CPSF4L: variants seen among roughly 807,000 people sequenced by gnomAD.
CPSF4L encodes the protein putative cleavage and polyadenylation specificity factor subunit 4-like protein.
CPSF4L carries 18 observed loss-of-function variants against 24.0 expected under a neutral mutation model. The ratio of observed to expected loss-of-function variants is 0.75; its 90% CI spans 0.52 to 1.11. The LOEUF (loss-of-function observed/expected upper bound fraction) is 1.11. Ranked by LOEUF, CPSF4L falls within the 50% of genes least tolerant of loss-of-function variation. CPSF4L has a pLI of 0.00. For synonymous variants in CPSF4L, 72 were observed against 77.2 expected (o/e 0.93, Z 0.35); for missense variants, 211 against 221.8 (o/e 0.95, Z 0.31).
In CPSF4L at chr17:73,257,813, G is replaced by T. The variant is rs1346634824; in HGVS notation, c.175C>A (p.His59Asn). 6.4e-7 allele frequency: 1 copy of T among 1,551,572 alleles called. No individual in the cohort carries two copies. ...CEKGKLCPFR[H>N]DRGEKMVVCK... ...ACCACCATCTTCTCCCCTCGGTCAT[G>T]TCGGAAGGGGCAGAGTTTCCCTGGA... Residue 59 changes from histidine (H) to asparagine (N), a missense_variant, in exon 3 of 6, where the codon CAT becomes AAT. By Grantham distance (68) the His-to-Asn change is moderately conservative (BLOSUM62 1). Transcript: ENST00000344935.
At chr17:73,248,251 A>G (rs2061979050), downstream of CPSF4L, 4 of 495,170 alleles carry the variant, frequency 8.1e-6, no homozygotes, top group Non-Finnish European at 1.4e-5. Context: ...GACTCCTCAG[A>G]ACGAATAGTA....
chr17:73,247,219 A>G (rs1199200157), downstream of CPSF4L: 5 of 1,606,872 alleles, frequency 3.1e-6, no homozygotes, highest in South Asian at 4.4e-5. Flanking sequence ...AGCTGAAAAT[A>G]TTTACTATCT....
At chr17:73,249,274 A>C (rs1303098134) in intron 5 of CPSF4L, among the ~76,000 whole-genome samples, 1 of 152,218 alleles carries the variant, frequency 6.6e-6, no homozygotes, top group East Asian at 1.9e-4. Flanking sequence ...GATCCAGCCA[A>C]CATCTGGGGC....
intron 4 of CPSF4L, among the ~76,000 whole-genome samples, chr17:73,253,386 AG>A (rs2062012775): frequency 6.6e-6 from 1 of 152,210 alleles, no homozygotes; most frequent in Non-Finnish European, 1.5e-5. Flanking sequence ...TCTTCTCAGC[AG>A]CCCTCACCCC....
rs918480567 is a variant in CPSF4L at position 73,261,700 on chromosome 17, C to G, written c.103+16G>C. 1.3e-6 allele frequency: 2 copies of G among 1,491,006 alleles called. No individual in the cohort carries two copies. The highest frequency in any genetic ancestry group is 1.8e-6 in the Non-Finnish European group (2 of 1,091,984). 92.4% of individuals were successfully genotyped at this position (1,491,006 alleles called of 1,614,324 possible). A position where few individuals can be genotyped will look rare whatever the true frequency, so the allele number is the denominator to read the frequency against. On this transcript the variant is annotated intron_variant, in intron 1 of 5. Transcript: ENST00000344935. Reference sequence around the variant, plus strand: ...AGAGAAGGTAGGGGAGGGAAAGTGGCCCCACCCTCACTCACTGTCCATGCC... The same window carrying G: ...AGAGAAGGTAGGGGAGGGAAAGTGGGCCCACCCTCACTCACTGTCCATGCC...
At chr17:73,248,781 A>G in intron 5 of CPSF4L, 1 of 451,064 alleles carries the variant, frequency 2.2e-6, no homozygotes, top group South Asian at 3.9e-5. Context: ...AATCCTGAAT[A>G]ATATCTGAAA....
upstream of CPSF4L, among the ~76,000 whole-genome samples, chr17:73,262,544 C>T (rs2062051371): frequency 6.6e-6 from 1 of 152,252 alleles, no homozygotes; most frequent in African/African-American, 2.4e-5. Flanking sequence ...CACAGGGCCA[C>T]CCAGTGCCAC....
chr17:73,261,696 G>A lies in CPSF4L; in HGVS notation c.103+20C>T. ...AAACAGAGAAGGTAGGGGAGGGAAAGTGGCCCCACCCTCACTCACTGTCCA... is the reference window on the plus strand; with the variant it reads ...AAACAGAGAAGGTAGGGGAGGGAAAATGGCCCCACCCTCACTCACTGTCCA... On this transcript the variant is annotated intron_variant, in intron 1 of 5. Transcript: ENST00000344935. 1 of 1,476,588 alleles carries A rather than the reference G, an allele frequency of 6.8e-7. No individual in the cohort carries two copies. Among genetic ancestry groups the A allele is most frequent in the Non-Finnish European group, 9.3e-7 (1 of 1,078,704 alleles). 91.5% of individuals were successfully genotyped at this position (1,476,588 alleles called of 1,614,324 possible). A position where few individuals can be genotyped will look rare whatever the true frequency, so the allele number is the denominator to read the frequency against.
chr17:73,261,683 T>G lies in CPSF4L; in HGVS notation c.103+33A>C. 55 of 1,351,528 alleles carry G rather than the reference T, an allele frequency of 4.1e-5. No individual in the cohort carries two copies. The South Asian group carries it at 5.2e-4, about 13-fold the overall frequency. 83.7% of individuals were successfully genotyped at this position (1,351,528 alleles called of 1,614,324 possible). ...CTCAAAGAAAAAAAAACAGAGAAGG[T>G]AGGGGAGGGAAAGTGGCCCCACCCT... On this transcript the variant is annotated intron_variant, in intron 1 of 5. Transcript: ENST00000344935.
At chr17:73,252,482 A>G in intron 5 of CPSF4L, 148 bp downstream of exon 5, 1 of 653,486 alleles carries the variant, frequency 1.5e-6, no homozygotes, top group East Asian at 2.7e-5. Context: ...TGCCAGGGTC[A>G]GGCAGTGGTG....
chr17:73,249,261 G>A (rs1012537355), intron 5 of CPSF4L, among the ~76,000 whole-genome samples: 1 of 152,144 alleles, frequency 6.6e-6, no homozygotes, highest in Non-Finnish European at 1.5e-5. Flanking sequence ...CAATCCACAG[G>A]CAGATCCAGC....
chr17:73,248,479 G>T lies in CPSF4L; in HGVS notation c.*15C>A. The T allele has an allele frequency of 6.4e-7, 1 of 1,551,472 alleles. No homozygotes were observed. Among genetic ancestry groups the T allele is most frequent in the Non-Finnish European group, 8.7e-7 (1 of 1,146,798 alleles). On this transcript the variant is annotated 3_prime_UTR_variant, in exon 6 of 6. Transcript: ENST00000344935. ...TCTGTGGCATTGGAGTGCCCCGCTA[G>T]GTAAGAAGCAACGCTTAGATCTTGC...
At position 73,252,561 on chromosome 17, in the gene CPSF4L, A is replaced by G; in HGVS notation, c.497+69T>C. 2.1e-6 allele frequency: 2 copies of G among 949,264 alleles called. 1 individual carries two copies. Among genetic ancestry groups the G allele is most frequent in the Middle Eastern group, 4.2e-4 (2 of 4,772 alleles). The allele number at this position is 949,264 out of a possible 1,614,324, so 58.8% of individuals were successfully genotyped here. On this transcript the variant is annotated intron_variant, in intron 5 of 5. Coordinates refer to ENST00000344935, the MANE Select transcript of CPSF4L (RefSeq NM_001129885.1). The stretch of plus-strand genomic sequence containing the variant: ...CCACTAAGGACCAGCGAAGGTATGG[A>G]AAGATCTAGAACTAGAAGGCCAGGC...
chr17:73,245,558 G>A, downstream of CPSF4L: 9 of 985,346 alleles, frequency 9.1e-6, no homozygotes, highest in South Asian at 3.8e-4. Context: ...TTACCATTCA[G>A]CTATATGAGA....
intron 5 of CPSF4L, chr17:73,250,301 G>C (rs1568330608): frequency 6.4e-7 from 1 of 1,550,490 alleles, no homozygotes; most frequent in Non-Finnish European, 8.7e-7. Context: ...CCTGGTCTTT[G>C]ACACAAAAAC....
chr17:73,248,727 C>T, intron 5 of CPSF4L, 191 bp from the exon 6 acceptor site: 2 of 634,276 alleles, frequency 3.2e-6, no homozygotes, highest in Admixed American at 4.9e-5. Flanking sequence ...CTGTAACTCA[C>T]ACGTGGTCTG....
chr17:73,246,801 A>G (rs2061956780), downstream of CPSF4L, among the ~76,000 whole-genome samples: 1 of 152,170 alleles, frequency 6.6e-6, no homozygotes, highest in Non-Finnish European at 1.5e-5. Flanking sequence ...TTCTACATTC[A>G]GTTATTTTAG....
chr17:73,243,548 CTTTTT>C (rs111267869), downstream of CPSF4L, among the ~76,000 whole-genome samples: 1 of 135,070 alleles, frequency 7.4e-6, no homozygotes. Flanking sequence ...TTCATGTTGT[CTTTTT>C]TTTTTTTTTT....
chr17:73,257,643 C>T (rs1308817946), intron 3 of CPSF4L, 38 bp downstream of exon 3: 3 of 1,546,428 alleles, frequency 1.9e-6, no homozygotes, highest in East Asian at 4.9e-5. Flanking sequence ...ACACTGCCAC[C>T]CTCCAGGGTG....
Sources: allele counts gnomAD v4.1 joint callset (sites outside exome capture counted in the v4.1 genomes callset), GRCh38; gene constraint gnomAD v4.1.1; transcripts MANE v1.5; gene names NCBI Gene and HGNC (gene_info 2026-07-23, HGNC 2026-07-21).